Variants in TRMT44 observed in about 807,000 individuals in gnomAD.
TRMT44 encodes tRNA methyltransferase 44 homolog.
In TRMT44, 78 loss-of-function variants were observed where a neutral mutation model predicts 77.3. That is an observed-to-expected ratio of 1.01 (90% CI 0.84 to 1.22). The LOEUF is 1.22. Ranked by LOEUF, TRMT44 falls within the 50% of genes most tolerant of loss-of-function variation. TRMT44 has a pLI of 0.00. For missense variants in TRMT44, 1,090 were observed against 964.4 expected, an observed-to-expected ratio of 1.13 and a Z score of -1.73; for synonymous variants, 391 against 383.3, an observed-to-expected ratio of 1.02 and a Z score of -0.23.
chr4:8,477,302 C>T (rs1560245550), downstream of TRMT44: 1 of 152,314 alleles, frequency 6.6e-6, no homozygotes, highest in Non-Finnish European at 1.5e-5. Context: ...GGGCCCAGAC[C>T]CTGCCCTCTG....
the TRMT44 span, among the ~76,000 whole-genome samples, chr4:8,506,547 G>A: frequency 0.1 from 15,939 of 152,198 alleles, 833 homozygotes; most frequent in Middle Eastern, 0.12. Context: ...GGGCTCTGCC[G>A]CATTCCAGGG....
intron 8 of TRMT44, 137 bp downstream of exon 8, chr4:8,465,698 C>A: frequency 1.3e-6 from 1 of 779,948 alleles, no homozygotes; most frequent in South Asian, 2.0e-5. Flanking sequence ...TTCTGTGCCT[C>A]TGTCACTGAT....
At chr4:8,486,160 C>G (rs979199474) in intron 2 of TRMT44, among the ~76,000 whole-genome samples, 1 of 152,184 alleles carries the variant, frequency 6.6e-6, no homozygotes, top group African/African-American at 2.4e-5. Context: ...CAGTGGGGTC[C>G]CGCACAGATG....
the TRMT44 span, among the ~76,000 whole-genome samples, chr4:8,503,063 G>C: frequency 6.6e-6 from 1 of 152,232 alleles, no homozygotes; most frequent in Non-Finnish European, 1.5e-5. Flanking sequence ...AGAGGCCAAG[G>C]TTTGGTTTCT....
At chr4:8,467,472 A>G (rs955091767) in intron 8 of TRMT44, among the ~76,000 whole-genome samples, 1 of 151,748 alleles carries the variant, frequency 6.6e-6, no homozygotes, top group African/African-American at 2.4e-5. Flanking sequence ...TTTATTTTGT[A>G]TTTATTTTTA....
In TRMT44 at chr4:8,454,760, G is replaced by C. The variant is rs755615820; in HGVS notation, c.1150G>C (p.Asp384His). 1.9e-6 allele frequency: 3 copies of C among 1,614,226 alleles called. No individual in the cohort carries two copies. Among genetic ancestry groups the C allele is most frequent in the Non-Finnish European group, 2.5e-6 (3 of 1,180,024 alleles). ...SSEGHPGRGI[D>H]VRRRKIWDMY... ...TTTTCAGCATCCAGGCAGAGGGATT[G>C]ATGTCCGAAGAAGAAAAATCTGGGA... is the stretch of plus-strand genomic sequence containing the variant. Residue 384 changes from aspartate (D) to histidine (H), a missense_variant, in exon 6 of 11, where the codon GAT becomes CAT. Coordinates refer to ENST00000389737, the MANE Select transcript of TRMT44 (RefSeq NM_152544.3).
At chr4:8,483,685 A>T (rs574415437) in intron 2 of TRMT44, among the ~76,000 whole-genome samples, 1 of 152,304 alleles carries the variant, frequency 6.6e-6, no homozygotes, top group Non-Finnish European at 1.5e-5. Context: ...GGTTTCACTG[A>T]ATACTAAGAG....
the TRMT44 span, among the ~76,000 whole-genome samples, chr4:8,513,424 G>A: frequency 1.3e-5 from 2 of 152,292 alleles, no homozygotes; most frequent in East Asian, 1.9e-4. Context: ...ATCCTCCCAC[G>A]ACATATGGGA....
rs1725518172 is a variant in TRMT44, at chr4:8,452,513, T to C, written c.1024-369T>C. On this transcript the variant is annotated intron_variant, in intron 4 of 10. Transcript: ENST00000389737. The surrounding 1 kb of genome is among the most constrained non-coding windows in gnomAD (Gnocchi z 5.7). ...ACTTCGGGAGGCCGAGGCGGGCAGATCACTTGAGGTCAGGAGTTTGAGACC... is the reference window on the plus strand; with the variant it reads ...ACTTCGGGAGGCCGAGGCGGGCAGACCACTTGAGGTCAGGAGTTTGAGACC... Among the ~76,000 whole-genome samples, 1 of 152,212 alleles carries C rather than the reference T, an allele frequency of 6.6e-6. No homozygotes were observed. The highest frequency in any genetic ancestry group is 2.1e-4 in the South Asian group (1 of 4,826).
At chr4:8,463,857 A>T (rs1726335353) in intron 6 of TRMT44, 128 bp from the exon 7 acceptor site, 1 of 733,258 alleles carries the variant, frequency 1.4e-6, no homozygotes. Context: ...GCTCTTGGTC[A>T]TGCAGCAGGT....
chr4:8,485,641 G>A (rs1036874521), intron 2 of TRMT44, among the ~76,000 whole-genome samples: 1 of 152,252 alleles, frequency 6.6e-6, no homozygotes, highest in South Asian at 2.1e-4. Context: ...GGGGATATGA[G>A]AGGAAGATGC....
chr4:8,490,406 C>T (rs753242098), intron 2 of TRMT44, among the ~76,000 whole-genome samples: 8 of 151,964 alleles, frequency 5.3e-5, no homozygotes, highest in Non-Finnish European at 7.4e-5. Flanking sequence ...TTCGTGGTCT[C>T]GCTGGCTCAG....
At chr4:8,442,974 T>A (rs916002169) in intron 1 of TRMT44, among the ~76,000 whole-genome samples, 4 of 152,212 alleles carry the variant, frequency 2.6e-5, no homozygotes, top group African/African-American at 7.2e-5. Context: ...AGTGCCCCTT[T>A]TGCCATATAA....
chr4:8,500,386 G>A, the TRMT44 span, among the ~76,000 whole-genome samples: 1 of 149,560 alleles, frequency 6.7e-6, no homozygotes, highest in South Asian at 2.1e-4. Flanking sequence ...CAGCTACTCA[G>A]GAGGCTGAGG....
chr4:8,488,178 A>G (rs1727876020), intron 2 of TRMT44, among the ~76,000 whole-genome samples: 1 of 152,134 alleles, frequency 6.6e-6, no homozygotes, highest in South Asian at 2.1e-4. Flanking sequence ...TCATAGGTGG[A>G]CCTTTATCAT....
At position 8,451,464 on chromosome 4, in the gene TRMT44, G is replaced by A. The variant is rs115247482; in HGVS notation, c.955-496G>A. On this transcript the variant is annotated intron_variant, in intron 3 of 10. Transcript: ENST00000389737. The surrounding 1 kb of genome is among the most constrained non-coding windows in gnomAD (Gnocchi z 4.1). ...ATGTTTGCACAGCTAGTGCTTTACA[G>A]TTTTCAGAGCACCTTGATTATCCTG... 4.1e-3 allele frequency among the ~76,000 whole-genome samples: 618 copies of A among 152,336 alleles called. 4 individuals carry two copies. Among genetic ancestry groups the A allele is most frequent in the African/African-American group, 0.014 (597 of 41,572 alleles).
rs1342767921 is a variant in TRMT44, at chr4:8,467,945, C to A, written c.1526C>A (p.Pro509His). The change falls in exon 9 of 11, where the codon CCT becomes CAT. Residue 509 changes from proline (P) to histidine (H), a missense_variant. By Grantham distance (77) the Pro-to-His change is moderately conservative. Coordinates refer to ENST00000389737, the MANE Select transcript of TRMT44 (RefSeq NM_152544.3). The stretch of plus-strand genomic sequence containing the variant: ...CTCGTTGGAAAATCCAGAACATACC[C>A]TTCCTCCAGAGAAGCTTCCGTGGAT... ...VCLVGKSRTY[P>H]SSREASVDEK... 1 of 1,612,916 alleles carries A rather than the reference C, an allele frequency of 6.2e-7. No individual in the cohort carries two copies. Among genetic ancestry groups the A allele is most frequent in the Non-Finnish European group, 8.5e-7 (1 of 1,179,170 alleles).
intron 9 of TRMT44, chr4:8,468,633 A>G (rs1462014336): frequency 8.9e-6 from 5 of 559,878 alleles, no homozygotes; most frequent in East Asian, 8.5e-5. Flanking sequence ...CTCATTTTCA[A>G]TCTAGAAATT....
At position 8,490,641 on chromosome 4, in the gene TRMT44, G is replaced by A. The variant is rs187962231; in HGVS notation, n.3892-2625G>A. Among the ~76,000 whole-genome samples, 117 of 152,238 alleles carry A rather than the reference G, an allele frequency of 7.7e-4. 2 individuals are homozygous for A. In the East Asian group the frequency reaches 0.016, roughly 21 times the overall value. On this transcript the variant is annotated intron_variant and non_coding_transcript_variant, in intron 2 of 2. Coordinates refer to the TRMT44 transcript ENST00000511366. ...TTCAGGAGTGAAGCTGCAGACCTTCGCGGTGAGTGTTACAGCTCATAAAAG... is the reference window on the plus strand; with the variant it reads ...TTCAGGAGTGAAGCTGCAGACCTTCACGGTGAGTGTTACAGCTCATAAAAG...
Sources: gnomAD v4.1 joint callset for allele counts (sites outside exome capture counted in the v4.1 genomes callset) on GRCh38, gnomAD v4.1.1 for gene constraint, Gnocchi (gnomAD v3.1) non-coding constraint, MANE v1.5 for transcripts, NCBI Gene and HGNC (gene_info 2026-07-23, HGNC 2026-07-21) for gene names.